PGM2: variants seen among roughly 807,000 people sequenced by gnomAD.
PGM2 encodes the protein phosphoglucomutase 2.
A neutral mutation model predicts 74.6 loss-of-function variants in PGM2; 57 were observed. The ratio of observed to expected loss-of-function variants is 0.76; its 90% CI spans 0.62 to 0.95. PGM2 has a LOEUF of 0.95. Among genes scored for constraint, PGM2 ranks in the 40% least tolerant of loss-of-function variants. The pLI, the probability that PGM2 is intolerant of heterozygous loss-of-function variation, is 0.00. For synonymous variants in PGM2, 273 were observed against 260.7 expected (o/e 1.05, Z -0.46); for missense variants, 706 against 741.9 (o/e 0.95, Z 0.56).
chr4:37,855,763 G>C (rs777121546), intron 13 of PGM2, 22 bp downstream of exon 13: 2 of 1,577,842 alleles, frequency 1.3e-6, no homozygotes, highest in East Asian at 2.3e-5. Context: ...ATGGCAGCTG[G>C]TGTGATTTTT....
chr4:37,851,536 C>T (rs1726039559), intron 12 of PGM2, among the ~76,000 whole-genome samples: 2 of 152,136 alleles, frequency 1.3e-5, no homozygotes, highest in South Asian at 2.1e-4. Context: ...ATGTTAGGCA[C>T]GTTCTTTGAT....
chr4:37,829,176 A>G (rs548063759), intron 1 of PGM2, among the ~76,000 whole-genome samples: 7 of 150,504 alleles, frequency 4.7e-5, no homozygotes, highest in African/African-American at 1.7e-4. Context: ...ATTTTCTGCA[A>G]CTACCATACA....
At chr4:37,845,214 T>C (rs1255908352) in intron 7 of PGM2, among the ~76,000 whole-genome samples, 1 of 152,190 alleles carries the variant, frequency 6.6e-6, no homozygotes, top group Non-Finnish European at 1.5e-5. Context: ...TTTTCTGATA[T>C]GAAGTGTTGC....
Position 37,848,789 on chromosome 4 carries a change from G to A in PGM2, c.1412+138G>A, listed in dbSNP as rs143505710. 1,631 of 697,840 alleles carry A rather than the reference G, an allele frequency of 2.3e-3. 26 individuals are homozygous for A. The African/African-American group carries it at 0.026, about 11-fold the overall frequency. The allele number at this position is 697,840 out of a possible 1,614,324, so 43.2% of individuals were successfully genotyped here. A position where few individuals can be genotyped will look rare whatever the true frequency, so the allele number is the denominator to read the frequency against. On this transcript the variant is annotated intron_variant, in intron 11 of 13. Coordinates refer to ENST00000381967, the MANE Select transcript of PGM2 (RefSeq NM_018290.4). ...CTATTTCTTATAAAAATTAAATAAG[G>A]CTGGGCACAGTGGCTCATGCCTGTA...
chr4:37,859,285 C>T (rs1560422865), intron 13 of PGM2, among the ~76,000 whole-genome samples: 1 of 152,070 alleles, frequency 6.6e-6, no homozygotes, highest in Non-Finnish European at 1.5e-5. Context: ...AATATTAAGG[C>T]AAATAGATAA....
At chr4:37,860,769 C>T (rs1290119629) in intron 13 of PGM2, among the ~76,000 whole-genome samples, 3 of 152,124 alleles carry the variant, frequency 2.0e-5, no homozygotes, top group African/African-American at 7.2e-5. Context: ...TGCTGGAAAC[C>T]TCTTTAACTG....
At chr4:37,860,402 T>A (rs180951973) in intron 13 of PGM2, among the ~76,000 whole-genome samples, 27 of 152,354 alleles carry the variant, frequency 1.8e-4, no homozygotes, top group Non-Finnish European at 1.5e-5. Context: ...ATATAATTTA[T>A]CGCAATCTGT....
At chr4:37,841,361 G>A (rs745934287) in intron 6 of PGM2, among the ~76,000 whole-genome samples, 1 of 152,004 alleles carries the variant, frequency 6.6e-6, no homozygotes, top group Non-Finnish European at 1.5e-5. Context: ...AGTGACAGTA[G>A]TGTCTGCTTG....
chr4:37,834,166 T>C (rs1725503583), intron 2 of PGM2, among the ~76,000 whole-genome samples: 1 of 152,044 alleles, frequency 6.6e-6, no homozygotes, highest in Non-Finnish European at 1.5e-5. Flanking sequence ...ACCCTGTCTC[T>C]ACAAAAAATT....
intron 13 of PGM2, among the ~76,000 whole-genome samples, chr4:37,858,654 A>G (rs1253773842): frequency 6.6e-6 from 1 of 152,020 alleles, no homozygotes; most frequent in Non-Finnish European, 1.5e-5. Flanking sequence ...CAGGCTAGCA[A>G]TAATGTCTTC....
At chr4:37,829,618 G>A (rs1560410679) in intron 1 of PGM2, among the ~76,000 whole-genome samples, 1 of 152,048 alleles carries the variant, frequency 6.6e-6, no homozygotes, top group Non-Finnish European at 1.5e-5. Context: ...TTCCCATTTT[G>A]CAAATAGGGA....
At chr4:37,859,722 C>G (rs113539173) in intron 13 of PGM2, among the ~76,000 whole-genome samples, 1,577 of 106,516 alleles carry the variant, frequency 0.015, 31 homozygotes, top group African/African-American at 0.07. Flanking sequence ...CTGTTTTCTC[C>G]CCAATTTATA....
At chr4:37,858,251 C>T (rs920746952) in intron 13 of PGM2, among the ~76,000 whole-genome samples, 1 of 152,018 alleles carries the variant, frequency 6.6e-6, no homozygotes, top group African/African-American at 2.4e-5. Context: ...GGACATTAAG[C>T]GCTATGTCAG....
chr4:37,839,082 A>G (rs1372634742), intron 4 of PGM2, among the ~76,000 whole-genome samples: 1 of 150,680 alleles, frequency 6.6e-6, no homozygotes, highest in Non-Finnish European at 1.5e-5. Flanking sequence ...TAAATGAGGA[A>G]CCTGTAAGAG....
chr4:37,853,051 T>C (rs1023439799), intron 12 of PGM2, among the ~76,000 whole-genome samples: 1 of 152,208 alleles, frequency 6.6e-6, no homozygotes, highest in Non-Finnish European at 1.5e-5. Context: ...TTCTTGTTTC[T>C]TTCTTTCTTC....
chr4:37,845,662 C>T lies in PGM2; in HGVS notation c.939C>T (p.Thr313=). Residue 313 remains threonine (T), a synonymous_variant, in exon 8 of 14, where the codon ACC becomes ACT. Coordinates refer to ENST00000381967, the MANE Select transcript of PGM2 (RefSeq NM_018290.4). The part of the protein sequence containing the change: ...LTLSFALADK[T]KARIVLANDP... Reference sequence around the variant, plus strand: ...TGTCTTTTGCTTTGGCTGACAAAACCAAGGCCAGAATTGTTTTAGCTAACG... The same window carrying T: ...TGTCTTTTGCTTTGGCTGACAAAACTAAGGCCAGAATTGTTTTAGCTAACG... 6.2e-7 allele frequency: 1 copy of T among 1,613,036 alleles called. No individual in the cohort carries two copies.
intron 2 of PGM2, among the ~76,000 whole-genome samples, chr4:37,834,265 A>G (rs1457064428): frequency 6.6e-6 from 1 of 151,990 alleles, no homozygotes. Context: ...AAACCCAGGA[A>G]TTCAAGGTTG....
At chr4:37,848,492 T>G in intron 10 of PGM2, 30 bp from the exon 11 acceptor site, 1 of 1,600,660 alleles carries the variant, frequency 6.2e-7, no homozygotes, top group East Asian at 2.2e-5. Flanking sequence ...CAGTATTGTA[T>G]AGATGTATGT....
intron 7 of PGM2, 127 bp from the exon 8 acceptor site, chr4:37,845,506 T>A: frequency 3.2e-6 from 2 of 625,974 alleles, no homozygotes; most frequent in African/African-American, 3.7e-5. Flanking sequence ...GCTGTCTTGG[T>A]TGGTCCTATA....
Sources: gnomAD v4.1 joint callset for allele counts (sites outside exome capture counted in the v4.1 genomes callset) on GRCh38, gnomAD v4.1.1 for gene constraint, MANE v1.5 for transcripts, NCBI Gene and HGNC (gene_info 2026-07-23, HGNC 2026-07-21) for gene names.